GRM7: variants seen among roughly 807,000 people sequenced by gnomAD.
GRM7 encodes metabotropic glutamate receptor 7.
Under a neutral mutation model 84.5 loss-of-function variants are expected in GRM7, and 35 were observed. That is an observed-to-expected ratio of 0.41 (90% CI 0.32 to 0.55). GRM7 has a LOEUF of 0.55. Among genes scored for constraint, GRM7 ranks in the 20% least tolerant of loss-of-function variants. The pLI, the probability that GRM7 is intolerant of heterozygous loss-of-function variation, is 0.19. For synonymous variants in GRM7, 487 were observed against 455.1 expected, an observed-to-expected ratio of 1.07 and a Z score of -0.89; for missense variants, 1,003 against 1,194.6, an observed-to-expected ratio of 0.84 and a Z score of 2.36.
intron 7 of GRM7, among the ~76,000 whole-genome samples, chr3:7,553,036 G>C (rs531627257): frequency 1.3e-5 from 2 of 152,128 alleles, no homozygotes; most frequent in African/African-American, 4.8e-5. Context: ...TCTCTTGAAT[G>C]CATAGAACCA....
chr3:7,616,937 A>C (rs1285746895), intron 8 of GRM7, among the ~76,000 whole-genome samples: 1 of 152,176 alleles, frequency 6.6e-6, no homozygotes, highest in Non-Finnish European at 1.5e-5. Flanking sequence ...ATTGTAATGG[A>C]ATTAAACTAA....
At chr3:6,925,442 G>A (rs556236834) in intron 1 of GRM7, among the ~76,000 whole-genome samples, 1 of 151,886 alleles carries the variant, frequency 6.6e-6, no homozygotes, top group South Asian at 2.1e-4. Context: ...GGCCAAAATC[G>A]AATCAATCAA....
chr3:7,172,792 T>A (rs188246150), intron 2 of GRM7, among the ~76,000 whole-genome samples: 23 of 152,050 alleles, frequency 1.5e-4, no homozygotes, highest in African/African-American at 5.6e-4. Flanking sequence ...ATGAATGAGA[T>A]AAGTAGTGAA....
intron 1 of GRM7, among the ~76,000 whole-genome samples, chr3:7,099,475 A>C (rs1027865219): frequency 6.9e-6 from 1 of 145,696 alleles, no homozygotes; most frequent in Non-Finnish European, 1.5e-5. Context: ...ACATATACAC[A>C]TATATGTATA....
intron 1 of GRM7, among the ~76,000 whole-genome samples, chr3:7,034,684 G>C (rs1051648898): frequency 3.9e-5 from 6 of 152,130 alleles, no homozygotes; most frequent in Non-Finnish European, 8.8e-5. Flanking sequence ...ACCAAGAACA[G>C]ATATTTGTGA....
chr3:7,173,006 T>C (rs115397111), intron 2 of GRM7, among the ~76,000 whole-genome samples: 3 of 152,272 alleles, frequency 2.0e-5, no homozygotes, highest in Non-Finnish European at 4.4e-5. Context: ...TATATTACTA[T>C]ATATGTGTAT....
intron 2 of GRM7, among the ~76,000 whole-genome samples, chr3:7,153,895 T>C (rs1286947103): frequency 6.6e-6 from 1 of 152,110 alleles, no homozygotes; most frequent in Non-Finnish European, 1.5e-5. Flanking sequence ...TAGGGCATAC[T>C]ACAAGGAAAG....
intron 5 of GRM7, among the ~76,000 whole-genome samples, chr3:7,433,660 C>G (rs988999686): frequency 6.6e-6 from 1 of 152,196 alleles, no homozygotes; most frequent in African/African-American, 2.4e-5. Flanking sequence ...CTTTTCCAAT[C>G]TCTTCTGCTG....
chr3:7,002,283 T>G (rs1695038974), intron 1 of GRM7, among the ~76,000 whole-genome samples: 1 of 152,168 alleles, frequency 6.6e-6, no homozygotes, highest in African/African-American at 2.4e-5. Flanking sequence ...TTTGAGGAAT[T>G]TTGTATAATC....
chr3:7,207,111 G>A (rs910464564), intron 2 of GRM7, among the ~76,000 whole-genome samples: 1 of 152,224 alleles, frequency 6.6e-6, no homozygotes, highest in Non-Finnish European at 1.5e-5. Context: ...TCGCTGGGAA[G>A]CATGCAAAAG....
At chr3:6,982,036 G>T (rs1694225560) in intron 1 of GRM7, among the ~76,000 whole-genome samples, 1 of 152,082 alleles carries the variant, frequency 6.6e-6, no homozygotes, top group Non-Finnish European at 1.5e-5. Context: ...CAGAGACATG[G>T]AATCAACCTA....
chr3:7,638,358 T>C (rs527412152), intron 8 of GRM7, among the ~76,000 whole-genome samples: 10 of 152,322 alleles, frequency 6.6e-5, no homozygotes, highest in African/African-American at 1.4e-4. Context: ...CATCAATTAA[T>C]TTACTTGATA....
At chr3:7,297,544 G>A (rs1209496195) in intron 2 of GRM7, among the ~76,000 whole-genome samples, 1 of 152,138 alleles carries the variant, frequency 6.6e-6, no homozygotes, top group Non-Finnish European at 1.5e-5. Flanking sequence ...GTGATTTCAT[G>A]CATGCTGAAA....
At chr3:6,911,943 C>G (rs1174180131) in intron 1 of GRM7, among the ~76,000 whole-genome samples, 2 of 152,074 alleles carry the variant, frequency 1.3e-5, no homozygotes, top group Non-Finnish European at 2.9e-5. Flanking sequence ...AGTCCATCGA[C>G]TGTAAGAAAA....
At chr3:7,110,509 C>G (rs1017970362) in intron 1 of GRM7, among the ~76,000 whole-genome samples, 1 of 151,784 alleles carries the variant, frequency 6.6e-6, no homozygotes, top group Non-Finnish European at 1.5e-5. Context: ...ACAGGAGAAT[C>G]GCTTGAACCT....
intron 1 of GRM7, among the ~76,000 whole-genome samples, chr3:6,925,631 G>C (rs904584632): frequency 3.3e-5 from 5 of 152,250 alleles, no homozygotes; most frequent in Admixed American, 6.5e-5. Flanking sequence ...TATAAACCAG[G>C]TAGTGGTCAT....
chr3:7,505,398 T>A (rs1026700889), intron 7 of GRM7, among the ~76,000 whole-genome samples: 2 of 152,224 alleles, frequency 1.3e-5, no homozygotes, highest in African/African-American at 4.8e-5. Flanking sequence ...GGCATTGCCC[T>A]AGAGGGAGCT....
rs1055924123 is a variant in GRM7 at position 7,665,470 on chromosome 3, C to T, written c.2452-14579C>T. Among the ~76,000 whole-genome samples the T allele has an allele frequency of 3.9e-5, 6 of 152,074 alleles. No individual in the cohort carries two copies. The East Asian group carries it at 7.8e-4, about 20-fold the overall frequency. ...GATTACAAGCGTGAGCCACCGCGCC[C>T]GGCCTTGCCCATGATTCTTAATAGG... is the stretch of plus-strand genomic sequence containing the variant. On this transcript the variant is annotated intron_variant, in intron 8 of 9. Transcript: ENST00000357716.
intron 2 of GRM7, among the ~76,000 whole-genome samples, chr3:7,290,402 A>C (rs921763580): frequency 2.0e-5 from 3 of 152,212 alleles, no homozygotes; most frequent in South Asian, 2.1e-4. Context: ...TTTAAACCTC[A>C]ACATGTCCCA....
Sources: allele counts gnomAD v4.1 joint callset (sites outside exome capture counted in the v4.1 genomes callset), GRCh38; gene constraint gnomAD v4.1.1; transcripts MANE v1.5; gene names NCBI Gene and HGNC (gene_info 2026-07-23, HGNC 2026-07-21).